The following MNAT1 variants were observed in gnomAD, a reference collection of about 807,000 sequenced individuals.
MNAT1 encodes the protein CDK-activating kinase assembly factor MAT1.
Under a neutral mutation model 42.0 loss-of-function variants are expected in MNAT1, and 43 were observed. The ratio of observed to expected loss-of-function variants is 1.02; its 90% CI spans 0.80 to 1.32. The LOEUF is 1.32. MNAT1 is among the 40% of genes most tolerant of loss of function. The probability of loss-of-function intolerance (pLI) is 0.00; values close to 1 mark genes in which losing one functional copy is unlikely to be tolerated. For synonymous variants in MNAT1, 118 were observed against 120.0 expected, an observed-to-expected ratio of 0.98 and a Z score of 0.11; for missense variants, 306 against 350.4, an observed-to-expected ratio of 0.87 and a Z score of 1.01.
At chr14:60,741,337 G>A (rs1896453828) in intron 1 of MNAT1, among the ~76,000 whole-genome samples, 2 of 152,062 alleles carry the variant, frequency 1.3e-5, no homozygotes, top group Admixed American at 1.3e-4. Context: ...CACCACACCT[G>A]GCTTATTTAT....
intron 6 of MNAT1, among the ~76,000 whole-genome samples, chr14:60,837,402 G>T (rs2033422308): frequency 6.6e-6 from 1 of 152,242 alleles, no homozygotes; most frequent in African/African-American, 2.4e-5. Flanking sequence ...CGTGGGGAAA[G>T]CATAGTATCT....
At chr14:60,933,871 G>T (rs1253911381) in intron 7 of MNAT1, among the ~76,000 whole-genome samples, 1 of 152,112 alleles carries the variant, frequency 6.6e-6, no homozygotes, top group Non-Finnish European at 1.5e-5. Context: ...AGATTTAAGG[G>T]TTACCAGGAG....
At chr14:60,825,422 A>T (rs911758350) in intron 6 of MNAT1, among the ~76,000 whole-genome samples, 1 of 152,216 alleles carries the variant, frequency 6.6e-6, no homozygotes, top group African/African-American at 2.4e-5. Flanking sequence ...TCAATCCTGA[A>T]TGAAGGATGA....
At chr14:60,791,188 G>T (rs1177838797) in intron 1 of MNAT1, among the ~76,000 whole-genome samples, 1 of 152,066 alleles carries the variant, frequency 6.6e-6, no homozygotes, top group African/African-American at 2.4e-5. Context: ...TTATTTGCTT[G>T]TTAGTTGAAA....
Position 60,878,092 on chromosome 14 carries a change from G to A in MNAT1, c.688-1622G>A, listed in dbSNP as rs112214826. On this transcript the variant is annotated intron_variant, in intron 6 of 7. Coordinates refer to ENST00000261245, the MANE Select transcript of MNAT1 (RefSeq NM_002431.4). Reference sequence around the variant, plus strand: ...AACAAAAACAAAAACACTGATTACCGAAAATGTCAAAGTTGTTTAGTAAAA... The same window carrying A: ...AACAAAAACAAAAACACTGATTACCAAAAATGTCAAAGTTGTTTAGTAAAA... Among the ~76,000 whole-genome samples the A allele has an allele frequency of 5.2e-3, 786 of 152,050 alleles. 14 individuals carry two copies. The highest frequency in any genetic ancestry group is 0.018 in the African/African-American group (737 of 41,508).
Position 60,734,934 on chromosome 14 carries a change from T to C in MNAT1, c.72T>C (p.Asn24=), listed in dbSNP as rs370869313. ...YRNPSLKLMV[N]VCGHTLCESC... ...ACCCCTCCTTGAAGCTGATGGTGAA[T>C]GTGTGCGGACACACTCTGTGAGTTG... Residue 24 remains asparagine (N), a synonymous_variant, in exon 1 of 8, where the codon AAT becomes AAC. Coordinates refer to ENST00000261245, the MANE Select transcript of MNAT1 (RefSeq NM_002431.4). This position sits in a 1 kb window ranked among gnomAD's most constrained non-coding sequence, Gnocchi z 4.3. 2.4e-5 allele frequency: 39 copies of C among 1,614,146 alleles called. No homozygotes were observed. Among genetic ancestry groups the C allele is most frequent in the Non-Finnish European group, 3.3e-5 (39 of 1,180,006 alleles).
chr14:60,848,949 A>G (rs2139413732), intron 6 of MNAT1, among the ~76,000 whole-genome samples: 1 of 152,314 alleles, frequency 6.6e-6, no homozygotes, highest in South Asian at 2.1e-4. Flanking sequence ...ACTGTCAAGT[A>G]ATATTTTGGG....
chr14:60,777,443 C>A (rs556041625), intron 1 of MNAT1, among the ~76,000 whole-genome samples: 18 of 152,064 alleles, frequency 1.2e-4, no homozygotes, highest in Admixed American at 7.2e-4. Context: ...CTCTCCCCCC[C>A]CAAAATTTTT....
chr14:60,819,079 C>A (rs988945019), intron 6 of MNAT1, among the ~76,000 whole-genome samples: 2 of 152,112 alleles, frequency 1.3e-5, no homozygotes, highest in East Asian at 3.9e-4. Context: ...GTATGACTTT[C>A]TTACTCTACT....
chr14:60,937,548 G>C (rs1442698804), intron 7 of MNAT1, among the ~76,000 whole-genome samples: 1 of 151,994 alleles, frequency 6.6e-6, no homozygotes, highest in Non-Finnish European at 1.5e-5. Context: ...GTAGATATGT[G>C]GCATTATTTC....
intron 1 of MNAT1, among the ~76,000 whole-genome samples, chr14:60,792,165 A>G (rs1158535362): frequency 6.6e-6 from 1 of 152,130 alleles, no homozygotes; most frequent in Non-Finnish European, 1.5e-5. Flanking sequence ...TTTTCCATGA[A>G]TCCTTAAACG....
At chr14:60,753,798 G>C (rs534449308) in intron 1 of MNAT1, 1 of 152,248 alleles carries the variant, frequency 6.6e-6, no homozygotes, top group South Asian at 2.1e-4. Flanking sequence ...AGGGCTCCCA[G>C]TGATTTTTGT....
At chr14:60,765,638 T>TA (rs1323069217) in intron 1 of MNAT1, among the ~76,000 whole-genome samples, 2 of 152,028 alleles carry the variant, frequency 1.3e-5, no homozygotes, top group African/African-American at 4.8e-5. Context: ...TTTGGAAAAT[T>TA]AAAAAACAAT....
rs3081651 is a variant in MNAT1 at position 60,904,976 on chromosome 14, C to CTTTTTTTTTTTTTTT, written c.809+25144_809+25158dup. ...AAAACAATAGATTGTTCAGCAGTTCCTTTTTTTTTTTTTTTTTGGACGGAG... is the reference window on the plus strand; with the variant it reads ...AAAACAATAGATTGTTCAGCAGTTCCTTTTTTTTTTTTTTTTTTTTTTTTTTTTTTTTGGACGGAG... On this transcript the variant is annotated intron_variant, in intron 7 of 7. Transcript: ENST00000261245. 5.2e-3 allele frequency among the ~76,000 whole-genome samples: 411 copies of CTTTTTTTTTTTTTTT among 78,974 alleles called. 62 individuals are homozygous for CTTTTTTTTTTTTTTT. Among genetic ancestry groups the CTTTTTTTTTTTTTTT allele is most frequent in the East Asian group, 0.012 (31 of 2,612 alleles). The allele number at this position is 78,974 out of a possible 152,430, so 51.8% of individuals were successfully genotyped here. A position where few individuals can be genotyped will look rare whatever the true frequency, so the allele number is the denominator to read the frequency against.
At chr14:60,835,749 C>G (rs1367494262) in intron 6 of MNAT1, among the ~76,000 whole-genome samples, 1 of 152,062 alleles carries the variant, frequency 6.6e-6, no homozygotes, top group Non-Finnish European at 1.5e-5. Flanking sequence ...TTGTGGTGGT[C>G]TCTGTATTTT....
intron 7 of MNAT1, among the ~76,000 whole-genome samples, chr14:60,915,460 G>A (rs1302227955): frequency 6.6e-6 from 1 of 152,138 alleles, no homozygotes. Flanking sequence ...TGATTGCCAT[G>A]TTTTTGGTGT....
At chr14:60,772,911 T>A (rs1248675755) in intron 1 of MNAT1, among the ~76,000 whole-genome samples, 3 of 144,142 alleles carry the variant, frequency 2.1e-5, no homozygotes, top group African/African-American at 7.7e-5. Context: ...TTTAATTTTT[T>A]AAAACATTTA....
At chr14:60,753,945 A>G (rs1399207223) in intron 1 of MNAT1, 1 of 152,004 alleles carries the variant, frequency 6.6e-6, no homozygotes, top group Admixed American at 6.6e-5. Flanking sequence ...CCATGTGGTT[A>G]CTCTCTATGT....
rs4151253 is a variant in MNAT1 at position 60,850,324 on chromosome 14, A to T, written c.688-29390A>T. On this transcript the variant is annotated intron_variant, in intron 6 of 7. Transcript: ENST00000261245. Reference sequence around the variant, plus strand: ...TTCATTGCTGTTACCCATTCTAGCAAAGTTTCACTGTTTTATCAAAGGTAT... The same window carrying T: ...TTCATTGCTGTTACCCATTCTAGCATAGTTTCACTGTTTTATCAAAGGTAT... Among the ~76,000 whole-genome samples the T allele has an allele frequency of 5.2e-3, 790 of 152,290 alleles. 14 individuals carry two copies. The highest frequency in any genetic ancestry group is 0.018 in the African/African-American group (741 of 41,556).
Sources: gnomAD v4.1 joint callset for allele counts (sites outside exome capture counted in the v4.1 genomes callset) on GRCh38, gnomAD v4.1.1 for gene constraint, Gnocchi (gnomAD v3.1) non-coding constraint, MANE v1.5 for transcripts, NCBI Gene and HGNC (gene_info 2026-07-23, HGNC 2026-07-21) for gene names.